The following YPEL5 variants were observed in gnomAD, a reference collection of about 807,000 sequenced individuals.
YPEL5 encodes the protein yippee like 5.
YPEL5 carries 1 observed loss-of-function variant against 10.5 expected under a neutral mutation model. The observed-to-expected ratio is 0.10, with a 90% CI of 0.03 to 0.45. YPEL5 has a LOEUF of 0.45. YPEL5 is among the 20% of genes least tolerant of loss of function. The pLI is 0.97. For synonymous variants in YPEL5, 61 were observed against 56.6 expected, an observed-to-expected ratio of 1.08 and a Z score of -0.35; for missense variants, 68 against 159.3, an observed-to-expected ratio of 0.43 and a Z score of 3.09.
chr2:30,147,384 C>T (rs1228601094), intron 1 of YPEL5: 3 of 148,276 alleles, frequency 2.0e-5, no homozygotes, highest in Non-Finnish European at 4.5e-5. Flanking sequence ...GCGCGGCGCC[C>T]GCGCCTCCGC....
At chr2:30,151,143 AT>A (rs1456407125) in intron 1 of YPEL5, among the ~76,000 whole-genome samples, 1 of 152,194 alleles carries the variant, frequency 6.6e-6, no homozygotes, top group Non-Finnish European at 1.5e-5. Context: ...TTGATAGTGT[AT>A]GTGTAAAATA....
intron 1 of YPEL5, among the ~76,000 whole-genome samples, chr2:30,148,932 C>A (rs936611946): frequency 6.6e-6 from 1 of 152,180 alleles, no homozygotes; most frequent in Non-Finnish European, 1.5e-5. Flanking sequence ...AGATCAGTGT[C>A]AGTTTTAAGA....
intron 1 of YPEL5, among the ~76,000 whole-genome samples, chr2:30,153,147 C>A (rs371722061): frequency 2.0e-5 from 3 of 152,162 alleles, no homozygotes; most frequent in African/African-American, 7.2e-5. Flanking sequence ...GTGATCCGCC[C>A]ACCTTGGCCT....
At chr2:30,149,711 G>T (rs1675693414) in intron 1 of YPEL5, among the ~76,000 whole-genome samples, 2 of 152,212 alleles carry the variant, frequency 1.3e-5, no homozygotes, top group African/African-American at 4.8e-5. Flanking sequence ...TCTGCAAGGG[G>T]CAGGTTCCTT....
intron 1 of YPEL5, among the ~76,000 whole-genome samples, chr2:30,151,864 C>G (rs1015669798): frequency 6.6e-6 from 1 of 152,160 alleles, no homozygotes; most frequent in South Asian, 2.1e-4. Context: ...TTTAGAAATA[C>G]GGGGCTGAAG....
chr2:30,154,218 C>G (rs184973084), intron 1 of YPEL5, among the ~76,000 whole-genome samples: 144 of 152,204 alleles, frequency 9.5e-4, no homozygotes, highest in Non-Finnish European at 1.6e-3. Context: ...AATCTGAGGC[C>G]TATACCTCAA....
chr2:30,152,057 A>G (rs1296087318), intron 1 of YPEL5, among the ~76,000 whole-genome samples: 1 of 152,214 alleles, frequency 6.6e-6, no homozygotes, highest in Non-Finnish European at 1.5e-5. Flanking sequence ...TCTAAAGCCA[A>G]TTGGTGGTGA....
At chr2:30,154,233 T>G (rs1258451761) in intron 1 of YPEL5, among the ~76,000 whole-genome samples, 1 of 152,236 alleles carries the variant, frequency 6.6e-6, no homozygotes, top group Admixed American at 6.5e-5. Flanking sequence ...CCTCAACGGC[T>G]GAGACTCCAA....
At chr2:30,155,954 C>G (rs764384295) in intron 1 of YPEL5, 2 of 152,208 alleles carry the variant, frequency 1.3e-5, no homozygotes, top group Non-Finnish European at 2.9e-5. Flanking sequence ...AGCTTTGTAA[C>G]CTTTGACCAG....
At chr2:30,156,107 T>G (rs1418759476) in intron 1 of YPEL5, among the ~76,000 whole-genome samples, 1 of 152,216 alleles carries the variant, frequency 6.6e-6, no homozygotes, top group Non-Finnish European at 1.5e-5. Context: ...TCTATAGTTG[T>G]AGATGCACCT....
chr2:30,154,156 T>C (rs1420024253), intron 1 of YPEL5, among the ~76,000 whole-genome samples: 1 of 152,202 alleles, frequency 6.6e-6, no homozygotes, highest in Non-Finnish European at 1.5e-5. Flanking sequence ...CCCAGACCCC[T>C]AGCTGGAGGT....
chr2:30,158,825 A>G lies in YPEL5; in HGVS notation c.348A>G (p.Val116=). Residue 116 remains valine (V), a synonymous_variant, in exon 3 of 3, where the codon GTA becomes GTG. Transcript: ENST00000261353. The part of the protein sequence containing the change: ...VRESEGFEEH[V]PSDNS ...AGAGTGAGGGCTTTGAGGAGCATGT[A>G]CCATCTGATAACTCTTGAAGATACA... is the stretch of plus-strand genomic sequence containing the variant. 6.2e-7 allele frequency: 1 copy of G among 1,614,212 alleles called. No homozygotes were observed. Among genetic ancestry groups the G allele is most frequent in the Non-Finnish European group, 8.5e-7 (1 of 1,180,022 alleles).
intron 1 of YPEL5, chr2:30,155,853 T>TA (rs1213457458): frequency 6.6e-6 from 1 of 152,234 alleles, no homozygotes; most frequent in Non-Finnish European, 1.5e-5. Flanking sequence ...GCTTTAGCCT[T>TA]ATGCCAGCCT....
chr2:30,149,929 C>T (rs770277384), intron 1 of YPEL5, among the ~76,000 whole-genome samples: 2 of 152,158 alleles, frequency 1.3e-5, no homozygotes, highest in Non-Finnish European at 2.9e-5. Context: ...GGTGTTTTTC[C>T]GTCAGAAGGT....
chr2:30,156,594 A>C, intron 1 of YPEL5, 34 bp from the exon 2 acceptor site: 53 of 1,551,162 alleles, frequency 3.4e-5, no homozygotes, highest in Non-Finnish European at 4.3e-5. Context: ...TGATTATTAT[A>C]ATGCATTTGT....
chr2:30,157,127 A>T (rs1676077103), intron 2 of YPEL5, among the ~76,000 whole-genome samples: 1 of 152,160 alleles, frequency 6.6e-6, no homozygotes, highest in Non-Finnish European at 1.5e-5. Flanking sequence ...TACTAAAAAT[A>T]CAAAAATTAG....
intron 1 of YPEL5, among the ~76,000 whole-genome samples, chr2:30,153,932 A>G (rs954901416): frequency 3.3e-5 from 5 of 152,226 alleles, no homozygotes; most frequent in Admixed American, 2.6e-4. Context: ...TCAGTAGGAA[A>G]TGATCACAGT....
chr2:30,154,704 T>A (rs1675959452), intron 1 of YPEL5, among the ~76,000 whole-genome samples: 1 of 152,214 alleles, frequency 6.6e-6, no homozygotes, highest in Non-Finnish European at 1.5e-5. Context: ...GGCCTCGAAT[T>A]TGCAACTTCT....
At chr2:30,157,284 A>G (rs1293089129) in intron 2 of YPEL5, among the ~76,000 whole-genome samples, 1 of 147,914 alleles carries the variant, frequency 6.8e-6, no homozygotes, top group Non-Finnish European at 1.5e-5. Context: ...CTCAGTCTCA[A>G]AAAAAAAAAA....
Sources: allele counts gnomAD v4.1 joint callset (sites outside exome capture counted in the v4.1 genomes callset), GRCh38; gene constraint gnomAD v4.1.1; transcripts MANE v1.5; gene names NCBI Gene and HGNC (gene_info 2026-07-23, HGNC 2026-07-21).